TENT5B: variants seen among roughly 807,000 people sequenced by gnomAD.
TENT5B encodes terminal nucleotidyltransferase 5B.
A neutral mutation model predicts 21.7 loss-of-function variants in TENT5B; 12 were observed. The observed-to-expected ratio is 0.55, with a 90% CI of 0.36 to 0.90. The LOEUF (loss-of-function observed/expected upper bound fraction) is 0.90, where lower values mean the gene tolerates loss of function less well. TENT5B is among the 40% of genes least tolerant of loss of function. The pLI is 0.01. For synonymous variants in TENT5B, 262 were observed against 266.6 expected, an observed-to-expected ratio of 0.98 and a Z score of 0.17; for missense variants, 540 against 601.5, an observed-to-expected ratio of 0.90 and a Z score of 1.07.
rs1557703526 is a variant in TENT5B, at chr1:27,008,974, C to CTTT, written c.265-2018_265-2017insAAA. ...CTTCTCTACCTTCCTTTCCTCCATC[C>CTTT]TTCTTTTTTTTTTTTTTTTTTTTTT... On this transcript the variant is annotated intron_variant, in intron 1 of 1. Coordinates refer to ENST00000289166, the MANE Select transcript of TENT5B (RefSeq NM_052943.4). Among the ~76,000 whole-genome samples the CTTT allele has an allele frequency of 2.5e-4, 27 of 106,406 alleles. 2 individuals are homozygous for CTTT. The highest frequency in any genetic ancestry group is 9.8e-4 in the African/African-American group (25 of 25,422). The allele number at this position is 106,406 out of a possible 152,430, so 69.8% of individuals were successfully genotyped here. A position where few individuals can be genotyped will look rare whatever the true frequency, so the allele number is the denominator to read the frequency against.
chr1:27,008,979 T>TC (rs1167654628), intron 1 of TENT5B, among the ~76,000 whole-genome samples: 1 of 16,452 alleles, frequency 6.1e-5, no homozygotes, highest in Admixed American at 7.1e-4. Context: ...CCATCCTTCT[T>TC]TTTTTTTTTT....
Position 27,006,898 on chromosome 1 carries a change from A to C in TENT5B, c.324T>G (p.Gly108=). 1 of 1,613,354 alleles carries C rather than the reference A, an allele frequency of 6.2e-7. No individual in the cohort carries two copies. ...GGTGCAGCACGTGGCTGGCAGCTGA[A>C]CCATGCAGCCGCACACTGTGCACAT... ...GLHVHSVRLH[G]SAASHVLHPE... Residue 108 remains glycine, a synonymous_variant, in exon 2 of 2, where the codon GGT becomes GGG. Coordinates refer to ENST00000289166, the MANE Select transcript of TENT5B (RefSeq NM_052943.4). This position sits in a 1 kb window ranked among gnomAD's most constrained non-coding sequence, Gnocchi z 9.4.
In TENT5B at chr1:27,012,772, G is replaced by T; in HGVS notation, c.-102C>A. On this transcript the variant is annotated 5_prime_UTR_variant, in exon 1 of 2. Coordinates refer to ENST00000289166, the MANE Select transcript of TENT5B (RefSeq NM_052943.4). ...AGGGGCCAAGGCGGGGGGCACGAAGGCAGGGACGGGGCGGCAACGACGGCG... is the reference window on the plus strand; with the variant it reads ...AGGGGCCAAGGCGGGGGGCACGAAGTCAGGGACGGGGCGGCAACGACGGCG... The T allele has an allele frequency of 7.6e-7, 1 of 1,324,346 alleles. No individual in the cohort carries two copies. Among genetic ancestry groups the T allele is most frequent in the Non-Finnish European group, 9.7e-7 (1 of 1,027,264 alleles). The allele number at this position is 1,324,346 out of a possible 1,614,324, so 82.0% of individuals were successfully genotyped here. A position where few individuals can be genotyped will look rare whatever the true frequency, so the allele number is the denominator to read the frequency against.
At position 27,006,219 on chromosome 1, in the gene TENT5B, C is replaced by T. The variant is rs577654788; in HGVS notation, c.1003G>A (p.Asp335Asn). The change falls in exon 2 of 2, where the codon GAT becomes AAT. Residue 335 changes from aspartate to asparagine, a missense_variant. Physicochemically the swap from Asp to Asn is conservative, Grantham distance 23. Transcript: ENST00000289166. This position sits in a 1 kb window ranked among gnomAD's most constrained non-coding sequence, Gnocchi z 9.4. ...AGGCAGGCGTAACGGCGGGCTGCAT[C>T]TGCCCCACCGAAGTGGGCCTCCAGG... ...RYLEAHFGGA[D>N]AARRYACLVT... 2 of 1,609,550 alleles carry T rather than the reference C, an allele frequency of 1.2e-6. No individual in the cohort carries two copies. The highest frequency in any genetic ancestry group is 1.3e-5 in the African/African-American group (1 of 74,886).
In TENT5B at chr1:27,011,257, C is replaced by T. The variant is rs371708533; in HGVS notation, c.264+1150G>A. 1.1e-4 allele frequency among the ~76,000 whole-genome samples: 17 copies of T among 152,256 alleles called. No homozygotes were observed. In the East Asian group the frequency reaches 3.3e-3, roughly 29 times the overall value. On this transcript the variant is annotated intron_variant, in intron 1 of 1. Transcript: ENST00000289166. ...TTGGGAGGGTGGGGGAGGTAATCCC[C>T]CAGCAGGCAACCCTCCCCCTCTGTG...
chr1:27,008,434 A>G (rs1387468926), intron 1 of TENT5B, among the ~76,000 whole-genome samples: 1 of 152,148 alleles, frequency 6.6e-6, no homozygotes, highest in African/African-American at 2.4e-5. Flanking sequence ...GGGAGGAGCA[A>G]CTTTACCAGG....
intron 1 of TENT5B, among the ~76,000 whole-genome samples, chr1:27,007,625 C>T (rs1430507125): frequency 6.6e-6 from 1 of 152,060 alleles, no homozygotes; most frequent in Non-Finnish European, 1.5e-5. Flanking sequence ...CTCCTGACCT[C>T]GTGATCCACA....
chr1:27,006,730 G>A lies in TENT5B; in HGVS notation c.492C>T (p.Ile164=). The change falls in exon 2 of 2, where the codon ATC becomes ATT. Residue 164 remains isoleucine (I), a synonymous_variant. Coordinates refer to ENST00000289166, the MANE Select transcript of TENT5B (RefSeq NM_052943.4). This position sits in a 1 kb window ranked among gnomAD's most constrained non-coding sequence, Gnocchi z 9.4. Reference sequence around the variant, plus strand: ...ATGCCTCCTTGAGTGTCAGTGGCGTGATCTTGGCCCGGCTCACACCGGCCG... The same window carrying A: ...ATGCCTCCTTGAGTGTCAGTGGCGTAATCTTGGCCCGGCTCACACCGGCCG... ...FLPAGVSRAK[I]TPLTLKEAYV... 6.2e-7 allele frequency: 1 copy of A among 1,614,000 alleles called. No homozygotes were observed. The highest frequency in any genetic ancestry group is 8.5e-7 in the Non-Finnish European group (1 of 1,180,010).
At position 27,012,591 on chromosome 1, in the gene TENT5B, G is replaced by A. The variant is rs1050965559; in HGVS notation, c.80C>T (p.Ala27Val). The A allele has an allele frequency of 2.0e-6, 3 of 1,533,722 alleles. No individual in the cohort carries two copies. Among genetic ancestry groups the A allele is most frequent in the South Asian group, 2.4e-5 (2 of 83,572 alleles). The change falls in exon 1 of 2, where the codon GCC (alanine) becomes GTC (valine). Residue 27 changes from alanine (A) to valine (V), a missense_variant. By Grantham distance (64) the Ala-to-Val change is moderately conservative. Transcript: ENST00000289166. ...QVGTAAATAVATAAPAGGGPD... is the reference protein window; with the variant it reads ...QVGTAAATAVVTAAPAGGGPD... The stretch of plus-strand genomic sequence containing the variant: ...GCCGCCGCCTGCCGGGGCTGCCGTG[G>A]CCACCGCCGTGGCCGCAGCCGTCCC...
intron 1 of TENT5B, 129 bp from the exon 2 acceptor site, chr1:27,007,086 T>A: frequency 5.6e-6 from 1 of 179,462 alleles, no homozygotes; most frequent in East Asian, 2.6e-4. Context: ...CTTTGGAAAA[T>A]CATTTAACTT....
At chr1:27,011,147 C>T (rs990978786) in intron 1 of TENT5B, among the ~76,000 whole-genome samples, 1 of 151,986 alleles carries the variant, frequency 6.6e-6, no homozygotes, top group African/African-American at 2.4e-5. Context: ...AGCGAGCAGC[C>T]GAGGAATGCC....
At chr1:27,008,977 CTTTTTTTTTT>C (rs58360969) in intron 1 of TENT5B, among the ~76,000 whole-genome samples, 42 of 31,004 alleles carry the variant, frequency 1.4e-3, no homozygotes, top group South Asian at 0.013. Context: ...CTCCATCCTT[CTTTTTTTTTT>C]TTTTTTTTTT....
chr1:27,006,942 G>A lies in TENT5B; in HGVS notation c.280C>T (p.Leu94=). ...TGCACATGTAGTCCCTGCTCCTCCA[G>A]GGTGCTGCGGACCACCTGCAGGGGA... ...RQIVQVVRST[L]EEQGLHVHSV... is the part of the protein sequence containing the mutation. Residue 94 remains leucine (L), a synonymous_variant, in exon 2 of 2, where the codon CTG becomes TTG. Transcript: ENST00000289166. The surrounding 1 kb of genome is among the most constrained non-coding windows in gnomAD (Gnocchi z 9.4). The A allele has an allele frequency of 6.3e-7, 1 of 1,587,468 alleles. No individual in the cohort carries two copies. The highest frequency in any genetic ancestry group is 8.6e-7 in the Non-Finnish European group (1 of 1,163,016).
At chr1:27,011,965 G>T (rs1297007393) in intron 1 of TENT5B, among the ~76,000 whole-genome samples, 1 of 152,156 alleles carries the variant, frequency 6.6e-6, no homozygotes, top group African/African-American at 2.4e-5. Context: ...CAATGGCAGA[G>T]GCTGCTCCTA....
Position 27,005,545 on chromosome 1 carries a change from G to A in TENT5B, c.*399C>T, listed in dbSNP as rs1305331577. Reference sequence around the variant, plus strand: ...GTGTGTGGGCTGCAGGCCCTCCAAAGCTGCTGGGATCACCACAGGCTGGCC... The same window carrying A: ...GTGTGTGGGCTGCAGGCCCTCCAAAACTGCTGGGATCACCACAGGCTGGCC... On this transcript the variant is annotated 3_prime_UTR_variant, in exon 2 of 2. Coordinates refer to ENST00000289166, the MANE Select transcript of TENT5B (RefSeq NM_052943.4). 5.2e-6 allele frequency: 1 copy of A among 191,340 alleles called. No individual in the cohort carries two copies. The highest frequency in any genetic ancestry group is 1.1e-5 in the Non-Finnish European group (1 of 93,118). 11.9% of individuals were successfully genotyped at this position (191,340 alleles called of 1,614,324 possible).
Position 27,005,537 on chromosome 1 carries a change from C to T in TENT5B, c.*407G>A, listed in dbSNP as rs2082591991. ...ATCAGTCAGTGTGTGGGCTGCAGGC[C>T]CTCCAAAGCTGCTGGGATCACCACA... is the stretch of plus-strand genomic sequence containing the variant. On this transcript the variant is annotated 3_prime_UTR_variant, in exon 2 of 2. Coordinates refer to ENST00000289166, the MANE Select transcript of TENT5B (RefSeq NM_052943.4). 1 of 185,692 alleles carries T rather than the reference C, an allele frequency of 5.4e-6. No individual in the cohort carries two copies. Among genetic ancestry groups the T allele is most frequent in the Non-Finnish European group, 1.1e-5 (1 of 89,536 alleles). The allele number at this position is 185,692 out of a possible 1,614,324, so 11.5% of individuals were successfully genotyped here. A position where few individuals can be genotyped will look rare whatever the true frequency, so the allele number is the denominator to read the frequency against.
chr1:27,012,648 G>A lies in TENT5B; in HGVS notation c.23C>T (p.Ala8Val), dbSNP rs1414767338. The A allele has an allele frequency of 2.7e-6, 4 of 1,480,848 alleles. No homozygotes were observed. In the African/African-American group the frequency reaches 5.9e-5, roughly 22 times the overall value. The allele number at this position is 1,480,848 out of a possible 1,614,324, so 91.7% of individuals were successfully genotyped here. A position where few individuals can be genotyped will look rare whatever the true frequency, so the allele number is the denominator to read the frequency against. Reference sequence around the variant, plus strand: ...AGCAGCCGCCCGGTCCCTGCGCTCAGCTCCGCTCTCCGACGGCATCATCCG... The same window carrying A: ...AGCAGCCGCCCGGTCCCTGCGCTCAACTCCGCTCTCCGACGGCATCATCCG... The part of the protein sequence containing the change: MMPSESG[A>V]ERRDRAAAQV... Residue 8 changes from alanine (A) to valine (V), a missense_variant, in exon 1 of 2, where the codon GCT (alanine) becomes GTT (valine). Coordinates refer to ENST00000289166, the MANE Select transcript of TENT5B (RefSeq NM_052943.4).
rs1012303224 is a variant in TENT5B at position 27,005,714 on chromosome 1, A to G, written c.*230T>C. ...TGCACCCCACCGGCATGCTGGTCCA[A>G]AAGTGTGATGCAATAACCAAAGGGT... On this transcript the variant is annotated 3_prime_UTR_variant, in exon 2 of 2. Coordinates refer to ENST00000289166, the MANE Select transcript of TENT5B (RefSeq NM_052943.4). 1 of 508,746 alleles carries G rather than the reference A, an allele frequency of 2.0e-6. No homozygotes were observed. Among genetic ancestry groups the G allele is most frequent in the South Asian group, 4.9e-5 (1 of 20,574 alleles). The allele number at this position is 508,746 out of a possible 1,614,324, so 31.5% of individuals were successfully genotyped here.
rs758818086 is a variant in TENT5B at position 27,006,840 on chromosome 1, G to A, written c.382C>T (p.Leu128=). 1.9e-5 allele frequency: 31 copies of A among 1,613,932 alleles called. No homozygotes were observed. Among genetic ancestry groups the A allele is most frequent in the Non-Finnish European group, 2.5e-5 (30 of 1,180,040 alleles). ...CTGCGCAGGTCCACCCGGAACACCA[G>A]GTCCAGATCCTTGTAGCCCAGGCCA... The part of the protein sequence containing the change: ...ESGLGYKDLD[L]VFRVDLRSEA... The change falls in exon 2 of 2, where the codon CTG becomes TTG. Residue 128 remains leucine, a synonymous_variant. Transcript: ENST00000289166. The surrounding 1 kb of genome is among the most constrained non-coding windows in gnomAD (Gnocchi z 9.4).
Sources: allele counts gnomAD v4.1 joint callset (sites outside exome capture counted in the v4.1 genomes callset), GRCh38; gene constraint gnomAD v4.1.1; non-coding constraint Gnocchi (gnomAD v3.1); transcripts MANE v1.5; gene names NCBI Gene and HGNC (gene_info 2026-07-23, HGNC 2026-07-21).